PDE8B: variants seen among roughly 807,000 people sequenced by gnomAD.
PDE8B encodes high affinity cAMP-specific and IBMX-insensitive 3',5'-cyclic phosphodiesterase 8B.
In PDE8B, 26 loss-of-function variants were observed where a neutral mutation model predicts 101.3. The observed-to-expected ratio is 0.26, with a 90% confidence interval of 0.19 to 0.36. The LOEUF (loss-of-function observed/expected upper bound fraction) is 0.36, where lower values mean the gene tolerates loss of function less well. Ranked by LOEUF, PDE8B falls within the 10% of genes least tolerant of loss-of-function variation. The pLI is 1.00. For missense variants in PDE8B, 810 were observed against 1,163.1 expected (o/e 0.70, Z 4.42); for synonymous variants, 424 against 429.3 (o/e 0.99, Z 0.15).
intron 1 of PDE8B, among the ~76,000 whole-genome samples, chr5:77,242,807 C>T (rs1756042199): frequency 6.6e-6 from 1 of 152,122 alleles, no homozygotes; most frequent in Non-Finnish European, 1.5e-5. Context: ...GCTGCGACTA[C>T]AGGCACCCAC....
the PDE8B span, among the ~76,000 whole-genome samples, chr5:77,163,661 C>T: frequency 1.1e-4 from 17 of 152,318 alleles, no homozygotes; most frequent in Admixed American, 2.0e-4. Flanking sequence ...AGGACTGGGT[C>T]GGCAGCTGTT....
intron 1 of PDE8B, among the ~76,000 whole-genome samples, chr5:77,306,556 C>G (rs1771256371): frequency 6.6e-6 from 1 of 152,164 alleles, no homozygotes; most frequent in Non-Finnish European, 1.5e-5. Context: ...GGAGCAGGCC[C>G]TTGAAGGATG....
chr5:77,270,106 A>C (rs1440905888), intron 1 of PDE8B, among the ~76,000 whole-genome samples: 1 of 152,222 alleles, frequency 6.6e-6, no homozygotes, highest in Admixed American at 6.5e-5. Flanking sequence ...ATCCATGGAC[A>C]TGGAATATCT....
rs565871846 is a variant in PDE8B at position 77,425,991 on chromosome 5, T to C, written c.2548+95T>C. On this transcript the variant is annotated intron_variant, in intron 21 of 21. Transcript: ENST00000264917. ...AGGGTGAGCCTAAAGGTAAACAAAA[T>C]ATATTTTTAAAAATGTGGCTGTCAG... 7.7e-6 allele frequency: 10 copies of C among 1,299,944 alleles called. No individual in the cohort carries two copies. The South Asian group carries it at 1.1e-4, about 14-fold the overall frequency. The allele number at this position is 1,299,944 out of a possible 1,614,324, so 80.5% of individuals were successfully genotyped here.
At chr5:77,220,050 TC>T (rs1401671440) in intron 1 of PDE8B, among the ~76,000 whole-genome samples, 1 of 152,196 alleles carries the variant, frequency 6.6e-6, no homozygotes, top group Non-Finnish European at 1.5e-5. Context: ...TCAGGAGACT[TC>T]CTGCTCTCCC....
chr5:77,354,473 G>T (rs1193292289), intron 10 of PDE8B, among the ~76,000 whole-genome samples: 1 of 151,876 alleles, frequency 6.6e-6, no homozygotes. Context: ...GCCTTTCATA[G>T]GGAAAAAAAA....
chr5:77,383,460 T>C (rs961150191), intron 10 of PDE8B, among the ~76,000 whole-genome samples: 8 of 152,244 alleles, frequency 5.3e-5, no homozygotes, highest in Non-Finnish European at 8.8e-5. Context: ...CTTTTGGCTT[T>C]TGTTGCCATT....
the PDE8B span, chr5:77,147,013 C>A: frequency 2.2e-6 from 1 of 462,270 alleles, no homozygotes; most frequent in Non-Finnish European, 4.3e-6. Flanking sequence ...GAAAAGAAGG[C>A]TGTGAAGCTG....
At chr5:77,297,392 G>A (rs1179083403) in intron 1 of PDE8B, among the ~76,000 whole-genome samples, 1 of 151,954 alleles carries the variant, frequency 6.6e-6, no homozygotes, top group Non-Finnish European at 1.5e-5. Context: ...CCAAACTTTA[G>A]CAAGCATCAC....
chr5:77,135,502 G>A, the PDE8B span, among the ~76,000 whole-genome samples: 16 of 134,576 alleles, frequency 1.2e-4, no homozygotes, highest in African/African-American at 3.8e-4. Context: ...TTTTTGAGAC[G>A]GAGTCTCGCT....
At chr5:77,419,614 G>A (rs1796221629) in intron 18 of PDE8B, among the ~76,000 whole-genome samples, 153 bp from the exon 19 acceptor site, 1 of 152,160 alleles carries the variant, frequency 6.6e-6, no homozygotes, top group Admixed American at 6.5e-5. Flanking sequence ...CTTGCTTACT[G>A]GGAGGACGAG....
At chr5:77,140,769 C>T in the PDE8B span, 1 of 152,266 alleles carries the variant, frequency 6.6e-6, no homozygotes, top group Non-Finnish European at 1.5e-5. Context: ...TCAGCACCCT[C>T]TCTCCAGCAA....
At chr5:77,277,193 T>C (rs1452039577) in intron 1 of PDE8B, among the ~76,000 whole-genome samples, 6 of 152,206 alleles carry the variant, frequency 3.9e-5, no homozygotes, top group Admixed American at 3.9e-4. Flanking sequence ...ATACTATGAA[T>C]GTTTCTTATC....
At chr5:77,209,433 G>T (rs1388730291), upstream of PDE8B, among the ~76,000 whole-genome samples, 1 of 152,068 alleles carries the variant, frequency 6.6e-6, no homozygotes, top group Non-Finnish European at 1.5e-5. Context: ...AAGCCTCTAT[G>T]TTACTGCCCT....
chr5:77,179,923 G>A, the PDE8B span, among the ~76,000 whole-genome samples: 7 of 152,088 alleles, frequency 4.6e-5, no homozygotes, highest in Non-Finnish European at 8.8e-5. Flanking sequence ...CATATGATGT[G>A]TTATATATGT....
chr5:77,356,194 C>T (rs1290365265), intron 10 of PDE8B, among the ~76,000 whole-genome samples: 2 of 152,150 alleles, frequency 1.3e-5, no homozygotes, highest in Non-Finnish European at 1.5e-5. Context: ...CTTTTGCCTT[C>T]GTGCTAGCCT....
At chr5:77,118,101 A>AT in the PDE8B span, among the ~76,000 whole-genome samples, 2 of 151,900 alleles carry the variant, frequency 1.3e-5, no homozygotes, top group Non-Finnish European at 2.9e-5. Context: ...CACCCGGCTA[A>AT]TTTTTTAAAA....
chr5:77,416,898 C>T (rs55689454), intron 17 of PDE8B, among the ~76,000 whole-genome samples: 18,943 of 152,140 alleles, frequency 0.12, 1,521 homozygotes, highest in East Asian at 0.39. Flanking sequence ...CTCTCACTAT[C>T]CCTTCAGCCA....
chr5:77,146,651 A>G, the PDE8B span: 1 of 283,314 alleles, frequency 3.5e-6, no homozygotes, highest in Non-Finnish European at 6.9e-6. Context: ...GGCGCATAAG[A>G]AGAAGCACCC....
Sources: allele counts gnomAD v4.1 joint callset (sites outside exome capture counted in the v4.1 genomes callset), GRCh38; gene constraint gnomAD v4.1.1; transcripts MANE v1.5; gene names NCBI Gene and HGNC (gene_info 2026-07-23, HGNC 2026-07-21).